MDGA2: variants seen among roughly 807,000 people sequenced by gnomAD.
MDGA2 encodes MAM domain-containing glycosylphosphatidylinositol anchor protein 2.
In MDGA2, 40 loss-of-function variants were observed where a neutral mutation model predicts 117.8. The observed-to-expected ratio is 0.34, with a 90% confidence interval of 0.26 to 0.44. The LOEUF is 0.44. Ranked by LOEUF, MDGA2 falls within the 20% of genes least tolerant of loss-of-function variation. The probability of loss-of-function intolerance (pLI) is 1.00; values close to 1 mark genes in which losing one functional copy is unlikely to be tolerated. For missense variants in MDGA2, 1,123 were observed against 1,250.6 expected (o/e 0.90, Z 1.54); for synonymous variants, 452 against 439.0 (o/e 1.03, Z -0.37).
intron 1 of MDGA2, among the ~76,000 whole-genome samples, chr14:47,331,458 T>G (rs1167675996): frequency 6.6e-6 from 1 of 151,996 alleles, no homozygotes; most frequent in Admixed American, 6.6e-5. Flanking sequence ...TATTTTAATC[T>G]ATATGTAGTT....
chr14:47,460,415 T>C (rs561247059), intron 1 of MDGA2, among the ~76,000 whole-genome samples: 70 of 152,268 alleles, frequency 4.6e-4, no homozygotes, highest in African/African-American at 1.6e-3. Context: ...ATAAGCACTG[T>C]ATTACAACAT....
chr14:47,458,075 C>T (rs578236828), intron 1 of MDGA2, among the ~76,000 whole-genome samples: 1 of 150,896 alleles, frequency 6.6e-6, no homozygotes, highest in Admixed American at 6.6e-5. Flanking sequence ...ACCTGCTGGC[C>T]ATTTGTAAGT....
intron 1 of MDGA2, among the ~76,000 whole-genome samples, chr14:47,356,301 C>T (rs574193220): frequency 6.6e-6 from 1 of 152,284 alleles, no homozygotes; most frequent in South Asian, 2.1e-4. Flanking sequence ...TTGTAGGAAC[C>T]CCTATGCTTA....
chr14:47,366,656 A>G (rs1013099328), intron 1 of MDGA2, among the ~76,000 whole-genome samples: 11 of 152,040 alleles, frequency 7.2e-5, no homozygotes, highest in Non-Finnish European at 1.6e-4. Context: ...TTTTTAAAGT[A>G]TATAATACTA....
intron 8 of MDGA2, among the ~76,000 whole-genome samples, chr14:46,973,170 T>C (rs995468320): frequency 6.6e-6 from 1 of 152,110 alleles, no homozygotes; most frequent in Admixed American, 6.6e-5. Context: ...CTGGTGGAAA[T>C]GCAAAATGGC....
chr14:47,431,478 C>T (rs756071490), intron 1 of MDGA2, among the ~76,000 whole-genome samples: 4 of 151,876 alleles, frequency 2.6e-5, no homozygotes, highest in Non-Finnish European at 4.4e-5. Flanking sequence ...ATCCCAATGC[C>T]CAGGCACACA....
chr14:47,267,272 T>G (rs1235429539), intron 2 of MDGA2, among the ~76,000 whole-genome samples: 2 of 145,478 alleles, frequency 1.4e-5, no homozygotes, highest in East Asian at 3.9e-4. Flanking sequence ...GTGGAAATAT[T>G]CTAAGTGAAA....
At chr14:47,250,594 T>C (rs747867019) in intron 2 of MDGA2, among the ~76,000 whole-genome samples, 2 of 152,142 alleles carry the variant, frequency 1.3e-5, no homozygotes, top group African/African-American at 2.4e-5. Flanking sequence ...TCTTCCACCA[T>C]GTGAGAGGAC....
At chr14:47,104,493 CAG>C (rs1441728940) in intron 5 of MDGA2, among the ~76,000 whole-genome samples, 1 of 147,782 alleles carries the variant, frequency 6.8e-6, no homozygotes, top group African/African-American at 2.5e-5. Context: ...TCCTACCCGC[CAG>C]AGAACAAACC....
chr14:47,468,359 T>C (rs1893647431), intron 1 of MDGA2, among the ~76,000 whole-genome samples: 1 of 152,170 alleles, frequency 6.6e-6, no homozygotes, highest in African/African-American at 2.4e-5. Flanking sequence ...CGGACACATG[T>C]TGGTTTTGCT....
chr14:47,096,781 A>G (rs991200041), intron 6 of MDGA2, 73 bp downstream of exon 6: 1 of 1,444,264 alleles, frequency 6.9e-7, no homozygotes, highest in South Asian at 1.2e-5. Context: ...AGGTAATTTT[A>G]TATCAACCAT....
At chr14:47,605,516 T>C (rs965340225) in intron 1 of MDGA2, among the ~76,000 whole-genome samples, 4 of 152,044 alleles carry the variant, frequency 2.6e-5, no homozygotes, top group Non-Finnish European at 4.4e-5. Flanking sequence ...ACATTACAGA[T>C]AGAATAAGAT....
chr14:47,043,868 A>G (rs959716452), intron 7 of MDGA2, among the ~76,000 whole-genome samples: 1 of 152,068 alleles, frequency 6.6e-6, no homozygotes, highest in Admixed American at 6.6e-5. Context: ...TTAAGGTCCA[A>G]TTTAAGTTTC....
At chr14:47,274,240 C>G (rs977199177) in intron 2 of MDGA2, among the ~76,000 whole-genome samples, 1 of 152,052 alleles carries the variant, frequency 6.6e-6, no homozygotes, top group Non-Finnish European at 1.5e-5. Context: ...TTGACTCTTT[C>G]CCCAACCCCA....
chr14:47,197,248 T>C (rs912156495), intron 3 of MDGA2, among the ~76,000 whole-genome samples: 3 of 152,182 alleles, frequency 2.0e-5, no homozygotes, highest in Admixed American at 1.3e-4. Context: ...CCCCGAATGA[T>C]ATGGTACCTG....
intron 1 of MDGA2, among the ~76,000 whole-genome samples, chr14:47,524,911 A>G (rs1482379553): frequency 1.3e-5 from 2 of 152,212 alleles, no homozygotes; most frequent in African/African-American, 2.4e-5. Context: ...TAGAATGCAC[A>G]TTACAGAATT....
chr14:47,043,010 T>C (rs184807485), intron 7 of MDGA2, among the ~76,000 whole-genome samples: 2 of 152,234 alleles, frequency 1.3e-5, no homozygotes, highest in East Asian at 1.9e-4. Context: ...CATATAATGA[T>C]ACAAGGCAAA....
intron 10 of MDGA2, among the ~76,000 whole-genome samples, chr14:46,917,150 G>A (rs1266186816): frequency 6.6e-6 from 1 of 151,884 alleles, no homozygotes; most frequent in Non-Finnish European, 1.5e-5. Flanking sequence ...TCTTACAGAA[G>A]ACAATAGGTT....
Position 47,297,156 on chromosome 14 carries a change from T to C in MDGA2, c.420+4255A>G, listed in dbSNP as rs572400343. On this transcript the variant is annotated intron_variant, in intron 2 of 16. Coordinates refer to ENST00000399232, the MANE Select transcript of MDGA2 (RefSeq NM_001113498.3). ...AATTCTAGTCATAGAATAATACTTT[T>C]CATTATCTCACTTATTAAAAATGGA... 2.6e-5 allele frequency among the ~76,000 whole-genome samples: 4 copies of C among 152,288 alleles called. No homozygotes were observed. The South Asian group carries it at 8.3e-4, about 32-fold the overall frequency.
Sources: allele counts gnomAD v4.1 joint callset (sites outside exome capture counted in the v4.1 genomes callset), GRCh38; gene constraint gnomAD v4.1.1; transcripts MANE v1.5; gene names NCBI Gene and HGNC (gene_info 2026-07-23, HGNC 2026-07-21).